Variants in CDH4 observed in about 807,000 individuals in gnomAD.
CDH4 encodes cadherin-4.
Under a neutral mutation model 86.0 loss-of-function variants are expected in CDH4, and 33 were observed. The observed-to-expected ratio is 0.38, with a 90% confidence interval of 0.29 to 0.51. The LOEUF is 0.51. Ranked by LOEUF, CDH4 falls within the 20% of genes least tolerant of loss-of-function variation. The pLI is 0.86. For synonymous variants in CDH4, 555 were observed against 549.4 expected (o/e 1.01, Z -0.14); for missense variants, 1,114 against 1,307.4 (o/e 0.85, Z 2.28).
At chr20:61,438,323 C>G (rs779851507) in intron 2 of CDH4, among the ~76,000 whole-genome samples, 1 of 152,202 alleles carries the variant, frequency 6.6e-6, no homozygotes, top group East Asian at 1.9e-4. Context: ...ACATTATATA[C>G]TATGAAAATC....
intron 2 of CDH4, among the ~76,000 whole-genome samples, chr20:61,447,811 A>G (rs1050315816): frequency 6.6e-6 from 1 of 152,168 alleles, no homozygotes; most frequent in Non-Finnish European, 1.5e-5. Context: ...TTAAAACATA[A>G]TGATGTACAA....
At chr20:61,380,759 T>A (rs190380556) in intron 2 of CDH4, among the ~76,000 whole-genome samples, 1 of 152,324 alleles carries the variant, frequency 6.6e-6, no homozygotes, top group East Asian at 1.9e-4. Flanking sequence ...AGATCTTTCA[T>A]GATGCTGAAA....
chr20:61,781,633 G>A (rs897843939), intron 4 of CDH4, among the ~76,000 whole-genome samples: 2 of 152,178 alleles, frequency 1.3e-5, no homozygotes. Flanking sequence ...TGGGGCGGTG[G>A]CCAGTGGCCT....
intron 2 of CDH4, among the ~76,000 whole-genome samples, chr20:61,292,734 T>C (rs1295067990): frequency 6.6e-6 from 1 of 152,286 alleles, no homozygotes; most frequent in Non-Finnish European, 1.5e-5. Context: ...CAGGTCTGCT[T>C]TGAGGTGCCA....
chr20:61,331,684 G>GACCCACCTCCCGCCCCA (rs2084579796), intron 2 of CDH4, among the ~76,000 whole-genome samples: 2 of 55,686 alleles, frequency 3.6e-5, no homozygotes, highest in Admixed American at 2.6e-4. Flanking sequence ...CTCCTGCCCC[G>GACCCACCTCCCGCCCCA]GCCACCTGCC....
rs370022320 is a variant in CDH4 at position 61,791,926 on chromosome 20, A to T, written c.576+18744A>T. 4.6e-5 allele frequency among the ~76,000 whole-genome samples: 7 copies of T among 152,154 alleles called. 1 individual carries two copies. Among genetic ancestry groups the T allele is most frequent in the African/African-American group, 1.2e-4 (5 of 41,516 alleles). The stretch of plus-strand genomic sequence containing the variant: ...GAGGGGCCTGGGGGAGGGCAGGAGC[A>T]GGTCCCAGGGCCCCCAGCCAGTAGG... On this transcript the variant is annotated intron_variant, in intron 4 of 15. Coordinates refer to ENST00000614565, the MANE Select transcript of CDH4 (RefSeq NM_001794.5).
chr20:61,772,975 G>A, intron 3 of CDH4, 28 bp from the exon 4 acceptor site: 4 of 1,592,190 alleles, frequency 2.5e-6, no homozygotes, highest in Non-Finnish European at 3.4e-6. Flanking sequence ...GGACTTCTCT[G>A]CCTCTTCTCT....
In CDH4 at chr20:61,533,053, AG is replaced by A. The variant is rs1234421554; in HGVS notation, c.170-210505del. On this transcript the variant is annotated intron_variant, in intron 2 of 15. Coordinates refer to ENST00000614565, the MANE Select transcript of CDH4 (RefSeq NM_001794.5). Reference sequence around the variant, plus strand: ...CAGGGAATGCCAGCTGGTGTGGGGCAGGGGGAGACAGCTTCAAGGTGAGGAC... The same window carrying A: ...CAGGGAATGCCAGCTGGTGTGGGGCAGGGGAGACAGCTTCAAGGTGAGGAC... Among the ~76,000 whole-genome samples the A allele has an allele frequency of 3.9e-5, 6 of 152,070 alleles. No homozygotes were observed. In the East Asian group the frequency reaches 1.2e-3, roughly 29 times the overall value.
At chr20:61,599,855 C>T (rs1484807515) in intron 2 of CDH4, 2 of 985,426 alleles carry the variant, frequency 2.0e-6, no homozygotes, top group African/African-American at 3.5e-5. Flanking sequence ...TTCCCTTCGC[C>T]GCACACAACA....
At chr20:61,298,437 C>T (rs943707011) in intron 2 of CDH4, among the ~76,000 whole-genome samples, 7 of 152,064 alleles carry the variant, frequency 4.6e-5, no homozygotes, top group Admixed American at 6.6e-5. Context: ...CCCTTCCTCC[C>T]GCACTTCCCC....
chr20:61,292,300 C>T (rs555281735), intron 2 of CDH4, among the ~76,000 whole-genome samples: 1 of 152,354 alleles, frequency 6.6e-6, no homozygotes, highest in South Asian at 2.1e-4. Context: ...TATTAGGCAG[C>T]CAGTTTCCTT....
intron 2 of CDH4, among the ~76,000 whole-genome samples, chr20:61,563,486 T>C (rs2086237908): frequency 6.6e-6 from 1 of 152,178 alleles, no homozygotes; most frequent in Non-Finnish European, 1.5e-5. Context: ...TTCTCTTTCT[T>C]TTGGGCCGAC....
At position 61,383,511 on chromosome 20, in the gene CDH4, ATATGAATATG is replaced by A. The variant is rs1292791376; in HGVS notation, c.169+128584_169+128593del. ...ATATGAAATATATTATATATGATAT[ATATGAATATG>A]TATGAATATATATGAATATATATGA... On this transcript the variant is annotated intron_variant, in intron 2 of 15. Transcript: ENST00000614565. 7.8e-5 allele frequency among the ~76,000 whole-genome samples: 8 copies of A among 102,292 alleles called. 1 individual carries two copies. The highest frequency in any genetic ancestry group is 1.8e-4 in the African/African-American group (4 of 22,700). 67.1% of individuals were successfully genotyped at this position (102,292 alleles called of 152,430 possible).
At chr20:61,672,039 G>GGATA (rs1472912313) in intron 2 of CDH4, among the ~76,000 whole-genome samples, 1 of 129,292 alleles carries the variant, frequency 7.7e-6, no homozygotes, top group Non-Finnish European at 1.6e-5. Flanking sequence ...GTGGATGGGT[G>GGATA]GATAGATAGA....
At chr20:61,576,477 A>G (rs1225083670) in intron 2 of CDH4, among the ~76,000 whole-genome samples, 2 of 152,096 alleles carry the variant, frequency 1.3e-5, no homozygotes, top group Non-Finnish European at 2.9e-5. Context: ...TACCCATCTC[A>G]CCAGGATCTA....
chr20:61,882,747 A>G (rs545984044), intron 7 of CDH4, among the ~76,000 whole-genome samples: 93 of 152,324 alleles, frequency 6.1e-4, no homozygotes, highest in Non-Finnish European at 1.2e-3. Context: ...GGAGAATGGG[A>G]GAGGGAACGT....
chr20:61,707,382 T>G (rs1356107245), intron 2 of CDH4, among the ~76,000 whole-genome samples: 1 of 152,220 alleles, frequency 6.6e-6, no homozygotes. Flanking sequence ...CCTGGGCCTG[T>G]TATACAGGGA....
Position 61,868,100 on chromosome 20 carries a change from C to T in CDH4, c.878-5628C>T, listed in dbSNP as rs370192635. 5.3e-5 allele frequency among the ~76,000 whole-genome samples: 8 copies of T among 152,348 alleles called. No homozygotes were observed. The East Asian group carries it at 1.4e-3, about 26-fold the overall frequency. On this transcript the variant is annotated intron_variant, in intron 6 of 15. Transcript: ENST00000614565. ...GTGCTTGGTTAATGAGCATAAACCG[C>T]AGAATGGATCAGTCCTTCAAGTCAG...
chr20:61,819,985 AG>A (rs771909403), intron 4 of CDH4, among the ~76,000 whole-genome samples: 26 of 152,180 alleles, frequency 1.7e-4, no homozygotes, highest in Admixed American at 2.0e-4. Context: ...AGCCAAGCCC[AG>A]GGGTGGCCAC....
Sources: allele counts gnomAD v4.1 joint callset (sites outside exome capture counted in the v4.1 genomes callset), GRCh38; gene constraint gnomAD v4.1.1; transcripts MANE v1.5; gene names NCBI Gene and HGNC (gene_info 2026-07-23, HGNC 2026-07-21).